Variants in SETBP1 observed in about 807,000 individuals in gnomAD.
SETBP1 encodes the protein SET-binding protein.
In SETBP1, 9 loss-of-function variants were observed where a neutral mutation model predicts 101.0. That is an observed-to-expected ratio of 0.09 (90% CI 0.05 to 0.16). The LOEUF (loss-of-function observed/expected upper bound fraction) is 0.16, where lower values mean the gene tolerates loss of function less well. SETBP1 is among the 10% of genes least tolerant of loss of function. SETBP1 has a pLI of 1.00. For missense variants in SETBP1, 1,858 were observed against 2,033.8 expected, an observed-to-expected ratio of 0.91 and a Z score of 1.66; for synonymous variants, 818 against 788.5, an observed-to-expected ratio of 1.04 and a Z score of -0.63.
In SETBP1 at chr18:45,063,704, G is replaced by A. The variant is rs753956711; in HGVS notation, c.*6G>A. 5.6e-6 allele frequency: 9 copies of A among 1,602,716 alleles called. No homozygotes were observed. The South Asian group carries it at 7.9e-5, about 14-fold the overall frequency. The stretch of plus-strand genomic sequence containing the variant: ...AGAGCGAGGTCCTTCCCTAGGGCGG[G>A]TCTGGGCGTCTGCACCTGGGGCCTA... On this transcript the variant is annotated 3_prime_UTR_variant, in exon 6 of 6. Transcript: ENST00000649279.
chr18:44,742,870 C>T (rs532739762), intron 2 of SETBP1, among the ~76,000 whole-genome samples: 37 of 151,946 alleles, frequency 2.4e-4, no homozygotes, highest in Non-Finnish European at 5.0e-4. Context: ...CTGCTCCATC[C>T]GGGACTCTGG....
intron 1 of SETBP1, among the ~76,000 whole-genome samples, chr18:44,695,982 C>A (rs1196535251): frequency 6.6e-6 from 1 of 151,890 alleles, no homozygotes; most frequent in Non-Finnish European, 1.5e-5. Context: ...ATACTAAGGG[C>A]CCTATCTCTA....
intron 4 of SETBP1, among the ~76,000 whole-genome samples, chr18:45,018,047 A>T (rs2072984240): frequency 6.6e-6 from 1 of 152,210 alleles, no homozygotes; most frequent in Non-Finnish European, 1.5e-5. Flanking sequence ...ATTGGAATCC[A>T]CTTAATGATC....
intron 2 of SETBP1, among the ~76,000 whole-genome samples, chr18:44,824,970 C>T (rs1237738845): frequency 6.6e-6 from 1 of 152,248 alleles, no homozygotes. Context: ...GTAGCTGCTT[C>T]CCACCTCTGC....
At chr18:44,703,348 G>GTTTTTTTTTTTTTTTTTTTTTTTTTTT (rs531974601) in intron 2 of SETBP1, among the ~76,000 whole-genome samples, 6 of 51,446 alleles carry the variant, frequency 1.2e-4, no homozygotes, top group Non-Finnish European at 1.8e-4. Flanking sequence ...TTACCATTAG[G>GTTTTTTTTTTTTTTTTTTTTTTTTTTT]TTTTTTTTTT....
At chr18:45,046,799 T>G (rs1322151632) in intron 5 of SETBP1, among the ~76,000 whole-genome samples, 1 of 152,184 alleles carries the variant, frequency 6.6e-6, no homozygotes, top group Admixed American at 6.5e-5. Context: ...AACCTTGGGA[T>G]GTATGGAATG....
intron 5 of SETBP1, among the ~76,000 whole-genome samples, chr18:45,046,889 T>C (rs1048044567): frequency 6.6e-6 from 1 of 152,242 alleles, no homozygotes; most frequent in African/African-American, 2.4e-5. Context: ...TCTTGCACGA[T>C]GCTGGGTGCT....
At chr18:44,801,839 CGTTGTG>C (rs5824562) in intron 2 of SETBP1, among the ~76,000 whole-genome samples, 57,169 of 150,290 alleles carry the variant, frequency 0.38, 10,849 homozygotes, top group South Asian at 0.46. Flanking sequence ...GCACTTCCTA[CGTTGTG>C]GTAGTTAAAT....
intron 4 of SETBP1, among the ~76,000 whole-genome samples, chr18:44,991,340 C>T (rs2072374436): frequency 6.6e-6 from 1 of 150,572 alleles, no homozygotes; most frequent in Admixed American, 6.6e-5. Flanking sequence ...AACATAAAAG[C>T]TTTAAAAAGG....
chr18:44,713,668 C>T (rs1156707174), intron 2 of SETBP1, among the ~76,000 whole-genome samples: 1 of 152,234 alleles, frequency 6.6e-6, no homozygotes, highest in Non-Finnish European at 1.5e-5. Context: ...TACCAGCTTT[C>T]TAGAAGCTAT....
chr18:45,067,531 C>T lies in SETBP1; in HGVS notation c.*3833C>T, dbSNP rs181283064. On this transcript the variant is annotated 3_prime_UTR_variant, in exon 6 of 6. Transcript: ENST00000649279. ...TTACGTTGCAGGATTTTCAGTCCTT[C>T]TCGTTATGTAAAAGTAGATAAATAT... 1 of 152,102 alleles carries T rather than the reference C, an allele frequency of 6.6e-6. No individual in the cohort carries two copies. 9.4% of individuals were successfully genotyped at this position (152,102 alleles called of 1,614,324 possible).
intron 4 of SETBP1, among the ~76,000 whole-genome samples, chr18:45,014,001 T>C (rs1405663093): frequency 6.6e-6 from 1 of 151,316 alleles, no homozygotes; most frequent in Non-Finnish European, 1.5e-5. Context: ...ATTCACTCTT[T>C]CATTCAATAA....
chr18:44,709,735 T>C (rs1245254830), intron 2 of SETBP1, among the ~76,000 whole-genome samples: 1 of 151,888 alleles, frequency 6.6e-6, no homozygotes, highest in Non-Finnish European at 1.5e-5. Flanking sequence ...TGTTGAATTA[T>C]GTTAGCTGGG....
At chr18:45,039,945 G>T (rs993751852) in intron 5 of SETBP1, among the ~76,000 whole-genome samples, 1 of 152,190 alleles carries the variant, frequency 6.6e-6, no homozygotes, top group African/African-American at 2.4e-5. Flanking sequence ...TGGAAAAGTA[G>T]GTGTAGGAAA....
At chr18:44,966,755 GA>G (rs1436183701) in intron 4 of SETBP1, among the ~76,000 whole-genome samples, 1 of 152,140 alleles carries the variant, frequency 6.6e-6, no homozygotes, top group Admixed American at 6.6e-5. Flanking sequence ...GTAGAGCAAA[GA>G]AAGCCCAGGA....
Position 45,023,926 on chromosome 18 carries a change from CA to C in SETBP1, c.4001-14557del, listed in dbSNP as rs529911569. 6.0e-3 allele frequency among the ~76,000 whole-genome samples: 908 copies of C among 152,238 alleles called. 6 individuals carry two copies. Among genetic ancestry groups the C allele is most frequent in the African/African-American group, 0.021 (857 of 41,538 alleles). On this transcript the variant is annotated intron_variant, in intron 4 of 5. Coordinates refer to ENST00000649279, the MANE Select transcript of SETBP1 (RefSeq NM_015559.3). Reference sequence around the variant, plus strand: ...GCTTTAAGAGGTTAAATCATTTAAACAAGGTCAAATACCTAGTTAAGTGACA... The same window carrying C: ...GCTTTAAGAGGTTAAATCATTTAAACAGGTCAAATACCTAGTTAAGTGACA...
intron 4 of SETBP1, among the ~76,000 whole-genome samples, chr18:44,989,519 G>A (rs1465972573): frequency 6.6e-6 from 1 of 152,024 alleles, no homozygotes; most frequent in Admixed American, 6.5e-5. Flanking sequence ...GGAATAGAGT[G>A]AAAAGGATAT....
chr18:44,801,430 G>A (rs182456668), intron 2 of SETBP1, among the ~76,000 whole-genome samples: 3 of 152,242 alleles, frequency 2.0e-5, no homozygotes, highest in Admixed American at 6.5e-5. Flanking sequence ...GATCTGTTTC[G>A]AGGTAGAAGA....
intron 3 of SETBP1, among the ~76,000 whole-genome samples, chr18:44,887,604 G>A (rs2069677687): frequency 6.6e-6 from 1 of 152,156 alleles, no homozygotes; most frequent in African/African-American, 2.4e-5. Flanking sequence ...GTCCTTAGTG[G>A]CAGGAAAACA....
Sources: allele counts gnomAD v4.1 joint callset (sites outside exome capture counted in the v4.1 genomes callset), GRCh38; gene constraint gnomAD v4.1.1; transcripts MANE v1.5; gene names NCBI Gene and HGNC (gene_info 2026-07-23, HGNC 2026-07-21).